ANKS1B: variants seen among roughly 807,000 people sequenced by gnomAD.
The protein encoded by ANKS1B is ankyrin repeat and sterile alpha motif domain containing 1B, also known as ankyrin repeat and sterile alpha motif domain-containing protein 1B.
In ANKS1B, 36 loss-of-function variants were observed where a neutral mutation model predicts 148.3. The ratio of observed to expected loss-of-function variants is 0.24; its 90% CI spans 0.19 to 0.32. The LOEUF (loss-of-function observed/expected upper bound fraction) is 0.32. ANKS1B is among the 10% of genes least tolerant of loss of function. The pLI is 1.00. For missense variants in ANKS1B, 1,157 were observed against 1,542.6 expected (o/e 0.75, Z 4.19); for synonymous variants, 542 against 560.8 (o/e 0.97, Z 0.47).
intron 17 of ANKS1B, among the ~76,000 whole-genome samples, chr12:98,903,468 G>A (rs746564163): frequency 2.6e-5 from 4 of 152,194 alleles, no homozygotes; most frequent in African/African-American, 7.2e-5. Flanking sequence ...TGGGGCTTCT[G>A]ATGATGAGCT....
At chr12:98,776,161 C>T (rs1259913032) in intron 24 of ANKS1B, among the ~76,000 whole-genome samples, 2 of 152,156 alleles carry the variant, frequency 1.3e-5, no homozygotes, top group Non-Finnish European at 2.9e-5. Context: ...ATGTGCAGGA[C>T]GAATCAAAGG....
intron 11 of ANKS1B, among the ~76,000 whole-genome samples, chr12:99,438,151 T>A (rs1274117991): frequency 1.3e-5 from 2 of 151,928 alleles, no homozygotes; most frequent in Non-Finnish European, 2.9e-5. Flanking sequence ...TAAAGACTTC[T>A]TTCTAAAGTA....
intron 17 of ANKS1B, among the ~76,000 whole-genome samples, chr12:98,938,092 T>C (rs897499229): frequency 6.6e-6 from 1 of 152,160 alleles, no homozygotes; most frequent in African/African-American, 2.4e-5. Flanking sequence ...AGCCAAACCA[T>C]ATTAAGGGCA....
chr12:99,149,172 G>T (rs1346068035), intron 15 of ANKS1B, among the ~76,000 whole-genome samples: 1 of 151,980 alleles, frequency 6.6e-6, no homozygotes, highest in African/African-American at 2.4e-5. Context: ...TACTTAAAAG[G>T]TCATTTTTTC....
At chr12:98,892,838 A>G (rs1445974583) in intron 17 of ANKS1B, among the ~76,000 whole-genome samples, 2 of 152,226 alleles carry the variant, frequency 1.3e-5, no homozygotes, top group Non-Finnish European at 2.9e-5. Context: ...CTGTAACAGT[A>G]TGGTTGTCTC....
At chr12:99,084,826 T>C (rs1338930671) in intron 16 of ANKS1B, 99 bp downstream of exon 16, 22 of 877,602 alleles carry the variant, frequency 2.5e-5, no homozygotes, top group Non-Finnish European at 3.6e-5. Flanking sequence ...TGCATCAATA[T>C]GTAGAACTAC....
chr12:98,811,181 T>A (rs975176682), intron 19 of ANKS1B, among the ~76,000 whole-genome samples: 2 of 152,188 alleles, frequency 1.3e-5, no homozygotes, highest in Admixed American at 1.3e-4. Context: ...AGAGCTCTTC[T>A]AGGATAGAGG....
chr12:98,928,823 C>T (rs1260520524), intron 17 of ANKS1B, among the ~76,000 whole-genome samples: 1 of 151,908 alleles, frequency 6.6e-6, no homozygotes, highest in African/African-American at 2.4e-5. Context: ...TATATAGAAC[C>T]CATACGGCTA....
chr12:99,085,050 T>C (rs1446643514), intron 15 of ANKS1B, 27 bp from the exon 16 acceptor site: 4 of 1,546,642 alleles, frequency 2.6e-6, no homozygotes, highest in Non-Finnish European at 3.5e-6. Flanking sequence ...ATGTTACAAG[T>C]TAAATCAAGC....
At chr12:99,473,457 G>A (rs1381675345) in intron 10 of ANKS1B, among the ~76,000 whole-genome samples, 1 of 151,954 alleles carries the variant, frequency 6.6e-6, no homozygotes, top group Admixed American at 6.6e-5. Context: ...GCCATACCTA[G>A]TAGTACAATT....
intron 1 of ANKS1B, among the ~76,000 whole-genome samples, chr12:99,940,015 C>G (rs1456714452): frequency 6.6e-6 from 1 of 152,142 alleles, no homozygotes; most frequent in East Asian, 1.9e-4. Flanking sequence ...CTTTCATTGA[C>G]AATTTAGGTA....
intron 17 of ANKS1B, among the ~76,000 whole-genome samples, chr12:99,052,649 A>T (rs111387203): frequency 0.099 from 14,043 of 141,458 alleles, 919 homozygotes; most frequent in South Asian, 0.25. Context: ...AATGGCGTGA[A>T]CCCGGGAAGC....
intron 17 of ANKS1B, among the ~76,000 whole-genome samples, chr12:99,047,656 G>A (rs1289759066): frequency 2.6e-5 from 4 of 152,168 alleles, no homozygotes; most frequent in Admixed American, 2.0e-4. Context: ...TAGAAATAAA[G>A]CAGAAGAGAG....
rs146085695 is a variant in ANKS1B at position 99,543,746 on chromosome 12, CAGAT to C, written c.1273-39109_1273-39106del. Among the ~76,000 whole-genome samples the C allele has an allele frequency of 9.8e-3, 1,496 of 151,994 alleles. 13 individuals are homozygous for C. Among genetic ancestry groups the C allele is most frequent in the African/African-American group, 0.034 (1,426 of 41,458 alleles). ...AACATTATGCTAAGTGAGAAAAAAA[CAGAT>C]AGAAAAGGCCACATATTACACGATT... On this transcript the variant is annotated intron_variant, in intron 9 of 26. Coordinates refer to ENST00000683438, the MANE Select transcript of ANKS1B (RefSeq NM_001352186.2).
intron 17 of ANKS1B, among the ~76,000 whole-genome samples, chr12:98,973,927 G>GGT (rs1568120638): frequency 6.6e-6 from 1 of 151,248 alleles, no homozygotes; most frequent in African/African-American, 2.4e-5. Flanking sequence ...TAGATACATC[G>GGT]GTATATATAT....
At chr12:99,844,404 G>C (rs1389922335) in intron 1 of ANKS1B, among the ~76,000 whole-genome samples, 1 of 151,998 alleles carries the variant, frequency 6.6e-6, no homozygotes, top group Non-Finnish European at 1.5e-5. Flanking sequence ...TATATCTTGA[G>C]TTGATTTTTG....
intron 12 of ANKS1B, among the ~76,000 whole-genome samples, chr12:99,379,670 A>G (rs1593475307): frequency 2.0e-5 from 3 of 152,348 alleles, no homozygotes; most frequent in African/African-American, 2.4e-5. Context: ...AACATAGTAA[A>G]GCTAGAATCT....
chr12:99,667,714 T>C (rs1329002230), intron 8 of ANKS1B, among the ~76,000 whole-genome samples: 1 of 152,258 alleles, frequency 6.6e-6, no homozygotes, highest in Non-Finnish European at 1.5e-5. Context: ...AAAGGCTTTT[T>C]ATTATAAGGT....
At chr12:99,689,936 G>GGA (rs1438729448) in intron 8 of ANKS1B, among the ~76,000 whole-genome samples, 2 of 152,172 alleles carry the variant, frequency 1.3e-5, no homozygotes, top group Non-Finnish European at 2.9e-5. Flanking sequence ...TTCTCACAAT[G>GGA]CTATCAAGAA....
Sources: gnomAD v4.1 joint callset for allele counts (sites outside exome capture counted in the v4.1 genomes callset) on GRCh38, gnomAD v4.1.1 for gene constraint, MANE v1.5 for transcripts, NCBI Gene and HGNC (gene_info 2026-07-23, HGNC 2026-07-21) for gene names.